The following EMC3 variants were observed in gnomAD, a reference collection of about 807,000 sequenced individuals.
The protein encoded by EMC3 is ER membrane protein complex subunit 3, also known as 30 kDa protein.
In EMC3, 13 loss-of-function variants were observed where a neutral mutation model predicts 36.6. The observed-to-expected ratio is 0.35, with a 90% CI of 0.23 to 0.56. EMC3 has a LOEUF of 0.56. EMC3 is among the 20% of genes least tolerant of loss of function. The pLI, the probability that EMC3 is intolerant of heterozygous loss-of-function variation, is 0.84. For missense variants in EMC3, 220 were observed against 324.5 expected (o/e 0.68, Z 2.47); for synonymous variants, 120 against 111.9 (o/e 1.07, Z -0.46).
At chr3:9,995,303 AT>A (rs1044334371) in intron 1 of EMC3, among the ~76,000 whole-genome samples, 4 of 151,858 alleles carry the variant, frequency 2.6e-5, no homozygotes, top group Non-Finnish European at 5.9e-5. Flanking sequence ...ATTTCAACTG[AT>A]CTTGTACAAC....
At chr3:9,983,035 C>G (rs1280492305) in intron 1 of EMC3, among the ~76,000 whole-genome samples, 1 of 152,132 alleles carries the variant, frequency 6.6e-6, no homozygotes. Flanking sequence ...TATAATCCAA[C>G]TACCTCACTT....
At chr3:10,008,511 G>A (rs771192557) in intron 1 of EMC3, 1 of 1,363,482 alleles carries the variant, frequency 7.3e-7, no homozygotes, top group East Asian at 4.6e-5. Flanking sequence ...AGCCATGGAG[G>A]GTGGGGAGCA....
chr3:9,972,606 A>G (rs2085798606), intron 5 of EMC3, among the ~76,000 whole-genome samples: 2 of 151,736 alleles, frequency 1.3e-5, no homozygotes, highest in Non-Finnish European at 2.9e-5. Flanking sequence ...CCCTGTCTCC[A>G]TGAAAAATAA....
At position 9,963,473 on chromosome 3, in the gene EMC3, A is replaced by ATTTTTTTT. The variant is rs1364677709; in HGVS notation, c.*595_*596insAAAAAAAA. ...AAGATAGATATATATATATATATAT[A>ATTTTTTTT]TATATTTTTTTTTTTTTTTCAGATG... On this transcript the variant is annotated 3_prime_UTR_variant, in exon 8 of 8. Transcript: ENST00000245046. The ATTTTTTTT allele has an allele frequency of 8.1e-5, 9 of 111,360 alleles. No individual in the cohort carries two copies. Among genetic ancestry groups the ATTTTTTTT allele is most frequent in the African/African-American group, 3.1e-4 (9 of 28,960 alleles). 6.9% of individuals were successfully genotyped at this position (111,360 alleles called of 1,614,324 possible).
rs145296081 is a variant in EMC3 at position 10,009,704 on chromosome 3, C to G, written c.-242+1319G>C. 2.3e-4 allele frequency among the ~76,000 whole-genome samples: 35 copies of G among 152,338 alleles called. 2 individuals carry two copies. In the East Asian group the frequency reaches 6.8e-3, roughly 29 times the overall value. ...CCAATTCACAGTCCAGCAATCCTGCCCTCAGAGGCTCCCTTCATCTGTCCA... is the reference window on the plus strand; with the variant it reads ...CCAATTCACAGTCCAGCAATCCTGCGCTCAGAGGCTCCCTTCATCTGTCCA... On this transcript the variant is annotated intron_variant, in intron 1 of 8. Coordinates refer to the EMC3 transcript ENST00000470827.
intron 1 of EMC3, among the ~76,000 whole-genome samples, chr3:9,985,258 A>C (rs918530396): frequency 6.6e-6 from 1 of 152,250 alleles, no homozygotes; most frequent in African/African-American, 2.4e-5. Context: ...AGTACAGTAG[A>C]AACAAAACAA....
intron 1 of EMC3, chr3:10,004,581 CTG>C (rs1390446422): frequency 3.9e-5 from 6 of 152,400 alleles, no homozygotes; most frequent in African/African-American, 1.2e-4. Context: ...CAGCAGAAGA[CTG>C]TGGGTGCCAA....
intron 1 of EMC3, among the ~76,000 whole-genome samples, chr3:9,995,170 C>T (rs2086108105): frequency 6.6e-6 from 1 of 151,968 alleles, no homozygotes. Context: ...ATTTCTGGAC[C>T]CTCTTAATGT....
chr3:9,965,804 A>T (rs941794439), intron 7 of EMC3, among the ~76,000 whole-genome samples: 1 of 152,144 alleles, frequency 6.6e-6, no homozygotes, highest in Non-Finnish European at 1.5e-5. Flanking sequence ...GTTTAACATG[A>T]TTCAGTATTC....
upstream of EMC3, chr3:9,987,970 G>C (rs769457870): frequency 6.0e-6 from 6 of 993,608 alleles, no homozygotes; most frequent in Non-Finnish European, 9.5e-6. Context: ...ACTGTTGCAG[G>C]CTTTCCAAGT....
chr3:9,977,735 A>G (rs2085864843), intron 1 of EMC3, among the ~76,000 whole-genome samples: 1 of 152,200 alleles, frequency 6.6e-6, no homozygotes, highest in African/African-American at 2.4e-5. Context: ...TTATTTGATA[A>G]TAAGCTAGGA....
chr3:9,984,137 A>C (rs946592689), intron 1 of EMC3, among the ~76,000 whole-genome samples: 8 of 150,608 alleles, frequency 5.3e-5, no homozygotes, highest in African/African-American at 2.0e-4. Flanking sequence ...GCTGGAGTGC[A>C]GTGGCATGAT....
chr3:9,965,104 T>G (rs1320817859), intron 7 of EMC3, among the ~76,000 whole-genome samples: 1 of 106,958 alleles, frequency 9.3e-6, no homozygotes, highest in Non-Finnish European at 2.1e-5. Context: ...AAAAATAAAT[T>G]AAAAAAAAAA....
At chr3:10,000,678 C>T (rs1402641967) in intron 1 of EMC3, 2 of 476,568 alleles carry the variant, frequency 4.2e-6, no homozygotes, top group East Asian at 5.6e-5. Flanking sequence ...GCTATCAAGC[C>T]TGCCCTTTCT....
intron 1 of EMC3, chr3:10,007,050 GCTTTGCACCCT>G (rs1353641366): frequency 6.7e-6 from 2 of 296,332 alleles, no homozygotes; most frequent in Non-Finnish European, 1.3e-5. Flanking sequence ...ACACTCTGCT[GCTTTGCACCCT>G]CTTTGCACAG....
At chr3:9,971,420 G>C (rs1337729933) in intron 5 of EMC3, among the ~76,000 whole-genome samples, 1 of 152,158 alleles carries the variant, frequency 6.6e-6, no homozygotes, top group East Asian at 1.9e-4. Flanking sequence ...GGAAGTGATA[G>C]ATAAATGGAA....
intron 1 of EMC3, among the ~76,000 whole-genome samples, chr3:9,993,900 G>A (rs1462496185): frequency 1.3e-5 from 2 of 152,264 alleles, no homozygotes; most frequent in Non-Finnish European, 1.5e-5. Context: ...TAGAAGATCT[G>A]GCCTCCAATC....
intron 1 of EMC3, chr3:10,002,668 A>T (rs1047569695): frequency 1.5e-5 from 6 of 387,266 alleles, no homozygotes; most frequent in Admixed American, 6.2e-5. Flanking sequence ...AGACCCAGAA[A>T]CATCCCTGGC....
At chr3:9,998,409 T>TAATAATA in intron 1 of EMC3, among the ~76,000 whole-genome samples, 1 of 104,018 alleles carries the variant, frequency 9.6e-6, no homozygotes, top group South Asian at 3.0e-4. Context: ...TAATAATAAT[T>TAATAATA]TTGCTTTTAA....
Sources: gnomAD v4.1 joint callset for allele counts (sites outside exome capture counted in the v4.1 genomes callset) on GRCh38, gnomAD v4.1.1 for gene constraint, MANE v1.5 for transcripts, NCBI Gene and HGNC (gene_info 2026-07-23, HGNC 2026-07-21) for gene names.